Variants in ANKH observed in about 807,000 individuals in gnomAD.
The protein encoded by ANKH is mineralization regulator ANKH.
ANKH carries 15 observed loss-of-function variants against 49.0 expected under a neutral mutation model. The ratio of observed to expected loss-of-function variants is 0.31; its 90% confidence interval spans 0.20 to 0.47. ANKH has a LOEUF of 0.47. Among genes scored for constraint, ANKH ranks in the 20% least tolerant of loss-of-function variants. ANKH has a pLI of 1.00. For synonymous variants in ANKH, 273 were observed against 260.0 expected (o/e 1.05, Z -0.48); for missense variants, 429 against 652.0 (o/e 0.66, Z 3.72).
chr5:14,724,492 T>A, intron 8 of ANKH: 1 of 939,890 alleles, frequency 1.1e-6, no homozygotes, highest in Non-Finnish European at 1.3e-6. Flanking sequence ...CCCAATAGGA[T>A]CAGAAGGATC....
intron 1 of ANKH, among the ~76,000 whole-genome samples, chr5:14,783,605 C>T (rs1580064855): frequency 6.6e-6 from 1 of 152,262 alleles, no homozygotes; most frequent in South Asian, 2.1e-4. Flanking sequence ...CAAAAATTTG[C>T]AGAGTCAACA....
At chr5:14,821,532 G>C (rs559772302) in intron 1 of ANKH, among the ~76,000 whole-genome samples, 15 of 152,324 alleles carry the variant, frequency 9.8e-5, no homozygotes, top group African/African-American at 3.6e-4. Flanking sequence ...GGTAATTATG[G>C]TTTATACTTG....
chr5:14,821,843 T>C (rs1741204818), intron 1 of ANKH, among the ~76,000 whole-genome samples: 1 of 152,240 alleles, frequency 6.6e-6, no homozygotes, highest in Non-Finnish European at 1.5e-5. Context: ...GGATTTTTAA[T>C]TTCCTTCAGG....
At chr5:14,810,506 C>G (rs1360145905) in intron 1 of ANKH, among the ~76,000 whole-genome samples, 1 of 152,196 alleles carries the variant, frequency 6.6e-6, no homozygotes. Flanking sequence ...CATGTTTGTA[C>G]ATGCCTGCAC....
chr5:14,852,236 T>C (rs1280757814), intron 1 of ANKH, among the ~76,000 whole-genome samples: 1 of 152,194 alleles, frequency 6.6e-6, no homozygotes, highest in Non-Finnish European at 1.5e-5. Flanking sequence ...GAGCAGTGAT[T>C]GTGCCACTGC....
chr5:14,820,933 C>T (rs2126586282), intron 1 of ANKH, among the ~76,000 whole-genome samples: 1 of 152,120 alleles, frequency 6.6e-6, no homozygotes, highest in African/African-American at 2.4e-5. Flanking sequence ...CCTGTCTCTA[C>T]CAGAAATACA....
At chr5:14,823,544 T>A (rs1741254456) in intron 1 of ANKH, among the ~76,000 whole-genome samples, 1 of 152,134 alleles carries the variant, frequency 6.6e-6, no homozygotes, top group Non-Finnish European at 1.5e-5. Context: ...AGAGAAAAAG[T>A]GAGTATTTTC....
At chr5:14,723,188 G>A (rs1327173014) in intron 8 of ANKH, among the ~76,000 whole-genome samples, 2 of 152,046 alleles carry the variant, frequency 1.3e-5, no homozygotes, top group Non-Finnish European at 2.9e-5. Context: ...AAACAAACCA[G>A]TGAAATCCTA....
At position 14,723,981 on chromosome 5, in the gene ANKH, T is replaced by C. The variant is rs191648022; in HGVS notation, c.1012-7146A>G. 2.9e-3 allele frequency among the ~76,000 whole-genome samples: 442 copies of C among 152,296 alleles called. 2 individuals carry two copies. The highest frequency in any genetic ancestry group is 6.8e-3 in the Middle Eastern group (2 of 294). ...GAGCCAGTCAGTTTCCAGGGATGAT[T>C]TGGTTGAGCCTAACGTTGATGATGA... On this transcript the variant is annotated intron_variant, in intron 8 of 11. Coordinates refer to ENST00000284268, the MANE Select transcript of ANKH (RefSeq NM_054027.6).
rs184467907 is a variant in ANKH, at chr5:14,841,867, T to C, written c.96+29485A>G. Among the ~76,000 whole-genome samples, 198 of 152,324 alleles carry C rather than the reference T, an allele frequency of 1.3e-3. 1 individual carries two copies. The highest frequency in any genetic ancestry group is 2.1e-3 in the Non-Finnish European group (143 of 68,024). On this transcript the variant is annotated intron_variant, in intron 1 of 11. Transcript: ENST00000284268. ...ATTTGTGACCGGCTTATTTCACCTA[T>C]GGTAGTCTTGAAGGGTGGTCTATAT...
intron 1 of ANKH, among the ~76,000 whole-genome samples, chr5:14,864,897 TAC>T (rs1278879520): frequency 3.9e-5 from 6 of 152,092 alleles, no homozygotes; most frequent in Admixed American, 1.3e-4. Flanking sequence ...ATATAATGTA[TAC>T]ACACACACAC....
In ANKH at chr5:14,871,654, C is replaced by G. The variant is rs1319943237; in HGVS notation, c.-207G>C. 6.2e-6 allele frequency: 1 copy of G among 160,904 alleles called. No homozygotes were observed. Among genetic ancestry groups the G allele is most frequent in the Admixed American group, 6.5e-5 (1 of 15,324 alleles). The allele number at this position is 160,904 out of a possible 1,614,324, so 10.0% of individuals were successfully genotyped here. A position where few individuals can be genotyped will look rare whatever the true frequency, so the allele number is the denominator to read the frequency against. ...GCTGCTCTAGCAGGGGATCCGCAAG[C>G]TCAAGTCCATCCCTGCTGCCCTCCC... On this transcript the variant is annotated 5_prime_UTR_variant, in exon 1 of 12. Coordinates refer to ENST00000284268, the MANE Select transcript of ANKH (RefSeq NM_054027.6).
At position 14,745,742 on chromosome 5, in the gene ANKH, A is replaced by G. The variant is rs527817930; in HGVS notation, c.915+128T>C. On this transcript the variant is annotated intron_variant, in intron 7 of 11. Coordinates refer to ENST00000284268, the MANE Select transcript of ANKH (RefSeq NM_054027.6). The surrounding 1 kb of genome is among the most constrained non-coding windows in gnomAD (Gnocchi z 4.7). Reference sequence around the variant, plus strand: ...GGAAAATATTCCTTCAATGCCCCCAACGTCACATTAACCTTACAAAGGGAA... The same window carrying G: ...GGAAAATATTCCTTCAATGCCCCCAGCGTCACATTAACCTTACAAAGGGAA... The G allele has an allele frequency of 2.0e-5, 16 of 813,126 alleles. No homozygotes were observed. Among genetic ancestry groups the G allele is most frequent in the African/African-American group, 1.3e-4 (8 of 59,748 alleles). 50.4% of individuals were successfully genotyped at this position (813,126 alleles called of 1,614,324 possible). A position where few individuals can be genotyped will look rare whatever the true frequency, so the allele number is the denominator to read the frequency against.
chr5:14,845,835 T>C (rs1741942797), intron 1 of ANKH, among the ~76,000 whole-genome samples: 1 of 145,556 alleles, frequency 6.9e-6, no homozygotes, highest in South Asian at 2.2e-4. Context: ...AGAAAATCCC[T>C]ATGCACACTT....
intron 1 of ANKH, among the ~76,000 whole-genome samples, chr5:14,822,648 TAAAC>T (rs1741229093): frequency 6.6e-6 from 1 of 152,190 alleles, no homozygotes; most frequent in Non-Finnish European, 1.5e-5. Flanking sequence ...ACTCTGCCAA[TAAAC>T]AACAGAAATT....
At chr5:14,717,460 G>A (rs1366569659) in intron 8 of ANKH, among the ~76,000 whole-genome samples, 1 of 152,202 alleles carries the variant, frequency 6.6e-6, no homozygotes, top group Non-Finnish European at 1.5e-5. Flanking sequence ...AACCCGATGG[G>A]GAAAGTGGAG....
intron 1 of ANKH, among the ~76,000 whole-genome samples, chr5:14,790,152 G>A (rs916702474): frequency 6.6e-6 from 1 of 152,116 alleles, no homozygotes; most frequent in Non-Finnish European, 1.5e-5. Context: ...TTTCTACTCC[G>A]CCTCCCTCCT....
chr5:14,815,389 T>C (rs1741004452), intron 1 of ANKH, among the ~76,000 whole-genome samples: 1 of 152,220 alleles, frequency 6.6e-6, no homozygotes, highest in African/African-American at 2.4e-5. Context: ...TGTGTATGGA[T>C]ATATACTTGT....
In ANKH at chr5:14,742,693, G is replaced by A. The variant is rs189623787; in HGVS notation, c.916-771C>T. Among the ~76,000 whole-genome samples, 310 of 152,290 alleles carry A rather than the reference G, an allele frequency of 2.0e-3. 1 individual carries two copies. Among genetic ancestry groups the A allele is most frequent in the Non-Finnish European group, 1.4e-3 (97 of 68,032 alleles). ...GTGAGGCTGTGCTTGCTGAGATAACGCCCTGCGTGTCTCCCCTTGAATCAC... is the reference window on the plus strand; with the variant it reads ...GTGAGGCTGTGCTTGCTGAGATAACACCCTGCGTGTCTCCCCTTGAATCAC... On this transcript the variant is annotated intron_variant, in intron 7 of 11. Transcript: ENST00000284268.
Sources: gnomAD v4.1 joint callset for allele counts (sites outside exome capture counted in the v4.1 genomes callset) on GRCh38, gnomAD v4.1.1 for gene constraint, Gnocchi (gnomAD v3.1) non-coding constraint, MANE v1.5 for transcripts, NCBI Gene and HGNC (gene_info 2026-07-23, HGNC 2026-07-21) for gene names.